Variants in EPHB1 observed in about 807,000 individuals in gnomAD.
EPHB1 encodes ephrin type-B receptor 1.
In EPHB1, 30 loss-of-function variants were observed where a neutral mutation model predicts 94.4. The observed-to-expected ratio is 0.32, with a 90% CI of 0.24 to 0.43. The LOEUF is 0.43. EPHB1 is among the 20% of genes least tolerant of loss of function. The pLI, the probability that EPHB1 is intolerant of heterozygous loss-of-function variation, is 1.00. For missense variants in EPHB1, 1,055 were observed against 1,308.3 expected (o/e 0.81, Z 2.99); for synonymous variants, 522 against 489.1 (o/e 1.07, Z -0.89).
At chr3:134,814,337 G>C (rs972935646) in intron 1 of EPHB1, among the ~76,000 whole-genome samples, 1 of 152,170 alleles carries the variant, frequency 6.6e-6, no homozygotes, top group African/African-American at 2.4e-5. Context: ...AGAGTGATGA[G>C]GATGCATATC....
At chr3:135,137,820 A>G (rs1481385207) in intron 5 of EPHB1, among the ~76,000 whole-genome samples, 3 of 152,180 alleles carry the variant, frequency 2.0e-5, no homozygotes, top group Non-Finnish European at 4.4e-5. Flanking sequence ...TTTTCTCCCT[A>G]GACTGTTTCC....
intron 3 of EPHB1, among the ~76,000 whole-genome samples, chr3:134,993,364 G>A (rs1349470613): frequency 2.0e-5 from 3 of 152,186 alleles, no homozygotes; most frequent in African/African-American, 7.2e-5. Context: ...GTATCTCTGG[G>A]TTATAAATGC....
intron 7 of EPHB1, among the ~76,000 whole-genome samples, chr3:135,163,167 T>G (rs989449979): frequency 6.6e-6 from 1 of 152,246 alleles, no homozygotes; most frequent in East Asian, 1.9e-4. Flanking sequence ...TTTATCTTGA[T>G]GCACATTGTA....
chr3:134,982,608 G>A (rs1483674410), intron 3 of EPHB1, among the ~76,000 whole-genome samples: 1 of 152,082 alleles, frequency 6.6e-6, no homozygotes, highest in Non-Finnish European at 1.5e-5. Context: ...AGTCTACCAC[G>A]TCTGAACCAA....
chr3:135,157,020 G>C (rs1941375765), intron 6 of EPHB1, among the ~76,000 whole-genome samples: 1 of 152,146 alleles, frequency 6.6e-6, no homozygotes, highest in African/African-American at 2.4e-5. Context: ...TGTGTGCCAG[G>C]GGTTTTATAA....
chr3:135,124,776 T>C (rs1280863403), intron 4 of EPHB1, among the ~76,000 whole-genome samples: 1 of 151,688 alleles, frequency 6.6e-6, no homozygotes, highest in African/African-American at 2.4e-5. Context: ...TGTGCTCACA[T>C]GGCTGTTAGA....
intron 1 of EPHB1, among the ~76,000 whole-genome samples, chr3:134,851,305 G>T (rs1190550719): frequency 6.6e-6 from 1 of 152,144 alleles, no homozygotes; most frequent in Non-Finnish European, 1.5e-5. Flanking sequence ...GGCCTCCTTT[G>T]GGGTCTTACT....
rs151156500 is a variant in EPHB1, at chr3:134,856,376, A to G, written c.58+60687A>G. Reference sequence around the variant, plus strand: ...GGGCAGGAGCTGACAGCCACATTTCATGTTCCCCACCATGAGGATAGCTAG... The same window carrying G: ...GGGCAGGAGCTGACAGCCACATTTCGTGTTCCCCACCATGAGGATAGCTAG... On this transcript the variant is annotated intron_variant, in intron 1 of 15. Transcript: ENST00000398015. Among the ~76,000 whole-genome samples, 417 of 152,226 alleles carry G rather than the reference A, an allele frequency of 2.7e-3. 1 individual carries two copies. The highest frequency in any genetic ancestry group is 9.7e-3 in the African/African-American group (402 of 41,546).
intron 1 of EPHB1, among the ~76,000 whole-genome samples, chr3:134,919,315 T>C (rs1404923563): frequency 6.6e-6 from 1 of 151,834 alleles, no homozygotes; most frequent in Non-Finnish European, 1.5e-5. Context: ...GGGAGATGGG[T>C]TGTGGAAAGT....
Position 135,055,072 on chromosome 3 carries a change from T to C in EPHB1, c.806-51376T>C, listed in dbSNP as rs184075401. On this transcript the variant is annotated intron_variant, in intron 3 of 15. Transcript: ENST00000398015. ...TTTAACTTGTAGCCTCTTTATCCAG[T>C]TTACTATCATTTTGTACCCAACAAT... Among the ~76,000 whole-genome samples, 833 of 152,330 alleles carry C rather than the reference T, an allele frequency of 5.5e-3. 6 individuals carry two copies. The highest frequency in any genetic ancestry group is 0.017 in the African/African-American group (720 of 41,568).
At chr3:134,862,499 C>CAA (rs11315176) in intron 1 of EPHB1, among the ~76,000 whole-genome samples, 2 of 133,938 alleles carry the variant, frequency 1.5e-5, no homozygotes, top group Non-Finnish European at 1.6e-5. Context: ...CTTGTAAGCT[C>CAA]AAAAAAAAAA....
intron 3 of EPHB1, among the ~76,000 whole-genome samples, chr3:134,985,435 G>A (rs1934563373): frequency 6.6e-6 from 1 of 152,214 alleles, no homozygotes; most frequent in Non-Finnish European, 1.5e-5. Context: ...TGGGATTACA[G>A]GCGTGAGCCA....
chr3:135,038,005 G>A (rs571610468), intron 3 of EPHB1, among the ~76,000 whole-genome samples: 4 of 152,226 alleles, frequency 2.6e-5, no homozygotes, highest in East Asian at 3.9e-4. Flanking sequence ...CCTAAGAGCC[G>A]CAGGAACATG....
At position 135,132,973 on chromosome 3, in the gene EPHB1, G is replaced by T; in HGVS notation, c.1221G>T (p.Gln407His). The T allele has an allele frequency of 1.2e-6, 2 of 1,613,760 alleles. No individual in the cohort carries two copies. Among genetic ancestry groups the T allele is most frequent in the Middle Eastern group, 1.6e-4 (1 of 6,062 alleles). The change falls in exon 5 of 16, where the codon CAG (glutamine) becomes CAT (histidine). Residue 407 changes from glutamine (Q) to histidine (H), a missense_variant. By Grantham distance (24) the Gln-to-His change is conservative (BLOSUM62 0). Coordinates refer to ENST00000398015, the MANE Select transcript of EPHB1 (RefSeq NM_004441.5). Reference sequence around the variant, plus strand: ...ACACCCCCTACACCTTTGACATCCAGGCCATCAATGGAGTCTCCAGCAAGA... The same window carrying T: ...ACACCCCCTACACCTTTGACATCCATGCCATCAATGGAGTCTCCAGCAAGA... ...WAHTPYTFDI[Q>H]AINGVSSKSP...
intron 1 of EPHB1, among the ~76,000 whole-genome samples, chr3:134,868,425 A>AG (rs1486668263): frequency 6.6e-6 from 1 of 152,208 alleles, no homozygotes; most frequent in East Asian, 1.9e-4. Flanking sequence ...TGTGCAATGA[A>AG]GGTTACAAGG....
At chr3:135,124,917 C>T (rs1940137943) in intron 4 of EPHB1, among the ~76,000 whole-genome samples, 1 of 151,642 alleles carries the variant, frequency 6.6e-6, no homozygotes, top group Admixed American at 6.6e-5. Context: ...ATCAGCCAAC[C>T]TTCTAGCCAG....
intron 6 of EPHB1, among the ~76,000 whole-genome samples, chr3:135,154,827 C>T (rs751858295): frequency 6.6e-6 from 1 of 152,154 alleles, no homozygotes; most frequent in Non-Finnish European, 1.5e-5. Flanking sequence ...TGAGCATCTG[C>T]TTCTGAGGAT....
At chr3:134,853,840 CAG>C (rs965848039) in intron 1 of EPHB1, among the ~76,000 whole-genome samples, 1 of 152,152 alleles carries the variant, frequency 6.6e-6, no homozygotes, top group Admixed American at 6.5e-5. Context: ...AAAACAGAGA[CAG>C]GGGTTCCATA....
chr3:134,795,558 GGC>G lies in EPHB1; in HGVS notation c.-71_-70del, dbSNP rs2035805525. ...AGAAGCCACCCGCGGAGAGCGCAGC[GGC>G]GCCCTGGGACGCGGCGCTCTCCCGG... is the stretch of plus-strand genomic sequence containing the variant. On this transcript the variant is annotated 5_prime_UTR_variant, in exon 1 of 16. Coordinates refer to ENST00000398015, the MANE Select transcript of EPHB1 (RefSeq NM_004441.5). 1 of 1,443,030 alleles carries G rather than the reference GGC, an allele frequency of 6.9e-7. No individual in the cohort carries two copies. The highest frequency in any genetic ancestry group is 2.4e-5 in the East Asian group (1 of 41,174). 89.4% of individuals were successfully genotyped at this position (1,443,030 alleles called of 1,614,324 possible).
Sources: allele counts gnomAD v4.1 joint callset (sites outside exome capture counted in the v4.1 genomes callset), GRCh38; gene constraint gnomAD v4.1.1; transcripts MANE v1.5; gene names NCBI Gene and HGNC (gene_info 2026-07-23, HGNC 2026-07-21).